CFAP61: variants seen among roughly 807,000 people sequenced by gnomAD.
The protein encoded by CFAP61 is cilia and flagella associated protein 61, also known as cilia- and flagella-associated protein 61.
Under a neutral mutation model 135.6 loss-of-function variants are expected in CFAP61, and 107 were observed. The observed-to-expected ratio is 0.79, with a 90% CI of 0.67 to 0.93. The LOEUF (loss-of-function observed/expected upper bound fraction) is 0.93. CFAP61 is among the 40% of genes least tolerant of loss of function. The pLI is 0.00. For synonymous variants in CFAP61, 575 were observed against 578.5 expected (o/e 0.99, Z 0.09); for missense variants, 1,507 against 1,556.2 (o/e 0.97, Z 0.53).
At chr20:20,142,577 G>A (rs994001745) in intron 8 of CFAP61, among the ~76,000 whole-genome samples, 2 of 152,168 alleles carry the variant, frequency 1.3e-5, no homozygotes, top group African/African-American at 4.8e-5. Flanking sequence ...CAGGTCCGTT[G>A]CCCATCTTCC....
chr20:20,310,040 G>C (rs1262398392), intron 25 of CFAP61, among the ~76,000 whole-genome samples: 1 of 152,072 alleles, frequency 6.6e-6, no homozygotes, highest in Non-Finnish European at 1.5e-5. Context: ...TGTCACCCAG[G>C]CTGGAGCACA....
At chr20:20,232,392 A>G (rs2049213678) in intron 18 of CFAP61, among the ~76,000 whole-genome samples, 1 of 149,170 alleles carries the variant, frequency 6.7e-6, no homozygotes, top group African/African-American at 2.6e-5. Context: ...GAAAAAAAAA[A>G]GAAGAAGAAG....
intron 17 of CFAP61, among the ~76,000 whole-genome samples, chr20:20,224,149 G>A (rs546258044): frequency 6.6e-6 from 1 of 152,222 alleles, no homozygotes; most frequent in South Asian, 2.1e-4. Context: ...AGGGTGGCAG[G>A]CAACCAAATA....
intron 6 of CFAP61, among the ~76,000 whole-genome samples, chr20:20,084,031 G>A (rs1198227330): frequency 7.2e-6 from 1 of 138,934 alleles, no homozygotes; most frequent in African/African-American, 3.4e-5. Context: ...AAAAGAAAAA[G>A]GGTGCTTGGT....
chr20:20,275,823 T>C (rs770578245), intron 21 of CFAP61, among the ~76,000 whole-genome samples: 1 of 152,228 alleles, frequency 6.6e-6, no homozygotes, highest in Non-Finnish European at 1.5e-5. Flanking sequence ...ACAGCCAAGA[T>C]TCATGTTTCG....
Position 20,189,371 on chromosome 20 carries a change from T to TG in CFAP61, c.1512+1320dup, listed in dbSNP as rs538799842. Reference sequence around the variant, plus strand: ...TCTCAAAGTATGGTCTAAGGAACCTTGGGGGTCTCTGAAACATGAATTTTC... The same window carrying TG: ...TCTCAAAGTATGGTCTAAGGAACCTTGGGGGGTCTCTGAAACATGAATTTTC... On this transcript the variant is annotated intron_variant, in intron 14 of 26. Coordinates refer to ENST00000245957, the MANE Select transcript of CFAP61 (RefSeq NM_015585.4). Among the ~76,000 whole-genome samples, 1,430 of 151,592 alleles carry TG rather than the reference T, an allele frequency of 9.4e-3. 5 individuals carry two copies. Among genetic ancestry groups the TG allele is most frequent in the Non-Finnish European group, 0.014 (940 of 67,816 alleles).
chr20:20,244,168 G>A (rs2050247414), intron 18 of CFAP61, among the ~76,000 whole-genome samples: 1 of 152,084 alleles, frequency 6.6e-6, no homozygotes, highest in Non-Finnish European at 1.5e-5. Flanking sequence ...GCAAGCTGCT[G>A]GTAGATCTAC....
At chr20:20,356,099 AG>A (rs1301272899) in intron 26 of CFAP61, among the ~76,000 whole-genome samples, 2 of 34,934 alleles carry the variant, frequency 5.7e-5, no homozygotes, top group African/African-American at 1.4e-4. Context: ...TCACACTGTG[AG>A]GGGAGGTGGT....
intron 1 of CFAP61, among the ~76,000 whole-genome samples, chr20:20,054,013 GTT>G (rs1239349657): frequency 1.5e-3 from 89 of 59,098 alleles, no homozygotes; most frequent in African/African-American, 5.3e-3. Flanking sequence ...TTTTTTGTTT[GTT>G]TTTTTTTTTT....
At chr20:20,108,750 C>A (rs775464561) in intron 8 of CFAP61, among the ~76,000 whole-genome samples, 12 of 132,146 alleles carry the variant, frequency 9.1e-5, no homozygotes, top group Admixed American at 1.6e-4. Context: ...TAATCCATGT[C>A]AACGTAAGTT....
chr20:20,251,340 C>CAT (rs1482773375), intron 19 of CFAP61, among the ~76,000 whole-genome samples: 1 of 151,880 alleles, frequency 6.6e-6, no homozygotes, highest in East Asian at 1.9e-4. Flanking sequence ...TAAACACACA[C>CAT]ACACACACAC....
At chr20:20,299,475 C>T (rs919000934) in intron 25 of CFAP61, among the ~76,000 whole-genome samples, 1 of 152,208 alleles carries the variant, frequency 6.6e-6, no homozygotes, top group Non-Finnish European at 1.5e-5. Context: ...GATGTGTAAA[C>T]AAAAAGACAC....
At chr20:20,168,283 G>A (rs899908817) in intron 12 of CFAP61, among the ~76,000 whole-genome samples, 1 of 152,018 alleles carries the variant, frequency 6.6e-6, no homozygotes, top group Non-Finnish European at 1.5e-5. Context: ...GGCTGGGCTC[G>A]AACTCCTGGG....
At chr20:20,320,921 A>G (rs1336465766) in intron 25 of CFAP61, among the ~76,000 whole-genome samples, 2 of 151,768 alleles carry the variant, frequency 1.3e-5, no homozygotes, top group East Asian at 3.9e-4. Context: ...AATTACTTGG[A>G]TTATTTGAAA....
intron 8 of CFAP61, among the ~76,000 whole-genome samples, chr20:20,122,943 A>AT (rs2049783849): frequency 1.3e-5 from 2 of 151,372 alleles, no homozygotes; most frequent in South Asian, 2.1e-4. Context: ...TTTTTAATAT[A>AT]TTTTTTTATT....
At chr20:20,165,237 C>T (rs2053731563) in intron 11 of CFAP61, among the ~76,000 whole-genome samples, 1 of 152,176 alleles carries the variant, frequency 6.6e-6, no homozygotes. Context: ...CAGCTTTTTC[C>T]AGCCAAAGTC....
intron 8 of CFAP61, among the ~76,000 whole-genome samples, chr20:20,111,001 G>T (rs2048767294): frequency 6.6e-6 from 1 of 152,144 alleles, no homozygotes; most frequent in Admixed American, 6.5e-5. Context: ...GTGTAAGATA[G>T]CAGGATTCAG....
intron 13 of CFAP61, among the ~76,000 whole-genome samples, chr20:20,175,856 C>T (rs766386669): frequency 3.9e-5 from 6 of 151,942 alleles, no homozygotes; most frequent in East Asian, 1.9e-4. Context: ...TTAATGGGTA[C>T]GTCATCTGGT....
intron 22 of CFAP61, among the ~76,000 whole-genome samples, chr20:20,282,938 C>CAAAAAA (rs34218302): frequency 1.5e-5 from 2 of 137,208 alleles, no homozygotes; most frequent in Non-Finnish European, 1.6e-5. Context: ...GACCCTGTCT[C>CAAAAAA]AAAAAAAAAA....
Sources: gnomAD v4.1 joint callset for allele counts (sites outside exome capture counted in the v4.1 genomes callset) on GRCh38, gnomAD v4.1.1 for gene constraint, MANE v1.5 for transcripts, NCBI Gene and HGNC (gene_info 2026-07-23, HGNC 2026-07-21) for gene names.